The following PIK3C3 variants were observed in gnomAD, a reference collection of about 807,000 sequenced individuals.
PIK3C3 encodes phosphatidylinositol 3-kinase catalytic subunit type 3.
In PIK3C3, 95 loss-of-function variants were observed where a neutral mutation model predicts 126.1. The observed-to-expected ratio is 0.75, with a 90% confidence interval of 0.64 to 0.89. The LOEUF (loss-of-function observed/expected upper bound fraction) is 0.89, where lower values mean the gene tolerates loss of function less well. Ranked by LOEUF, PIK3C3 falls within the 40% of genes least tolerant of loss-of-function variation. The pLI is 0.00. For missense variants in PIK3C3, 829 were observed against 1,063.2 expected (o/e 0.78, Z 3.06); for synonymous variants, 374 against 360.0 (o/e 1.04, Z -0.44).
At chr18:42,065,549 A>C (rs1381293899) in intron 23 of PIK3C3, among the ~76,000 whole-genome samples, 2 of 152,214 alleles carry the variant, frequency 1.3e-5, no homozygotes, top group Non-Finnish European at 2.9e-5. Flanking sequence ...AAATTATTTA[A>C]TTTACTTCCA....
intron 2 of PIK3C3, among the ~76,000 whole-genome samples, chr18:41,961,626 A>G (rs1447018703): frequency 6.6e-6 from 1 of 152,222 alleles, no homozygotes; most frequent in Non-Finnish European, 1.5e-5. Context: ...CTTTGAATGA[A>G]CAGAATAATT....
intron 15 of PIK3C3, among the ~76,000 whole-genome samples, chr18:42,032,020 G>T (rs1019256940): frequency 1.3e-5 from 2 of 152,212 alleles, no homozygotes; most frequent in South Asian, 4.1e-4. Context: ...AATAAAACAG[G>T]AAGGGGGATT....
At chr18:42,047,243 T>G (rs1022350605) in intron 20 of PIK3C3, among the ~76,000 whole-genome samples, 2 of 152,186 alleles carry the variant, frequency 1.3e-5, no homozygotes, top group South Asian at 4.1e-4. Flanking sequence ...GCTGCACTGA[T>G]GTACAGTGAT....
At chr18:41,978,037 C>T (rs1244888673) in intron 4 of PIK3C3, among the ~76,000 whole-genome samples, 1 of 152,220 alleles carries the variant, frequency 6.6e-6, no homozygotes, top group African/African-American at 2.4e-5. Flanking sequence ...TCACAGCTCA[C>T]TGCAGCCTCA....
At chr18:42,036,176 TTG>T (rs1030863239) in intron 16 of PIK3C3, among the ~76,000 whole-genome samples, 2 of 152,204 alleles carry the variant, frequency 1.3e-5, no homozygotes, top group African/African-American at 4.8e-5. Flanking sequence ...CAACTAGAGT[TTG>T]TAAGTTTTAA....
At chr18:42,054,150 A>C (rs60424202) in intron 21 of PIK3C3, among the ~76,000 whole-genome samples, 7,023 of 22,242 alleles carry the variant, frequency 0.32, 253 homozygotes, top group South Asian at 0.42. Flanking sequence ...ATATATATAT[A>C]TATATATATA....
chr18:42,074,664 T>C lies in PIK3C3; in HGVS notation c.2650-6459T>C, dbSNP rs182621709. Reference sequence around the variant, plus strand: ...TATGTTAAATATAAGTACAGATCTTTTTATATGTGTGTTTTGTTTTTATAG... The same window carrying C: ...TATGTTAAATATAAGTACAGATCTTCTTATATGTGTGTTTTGTTTTTATAG... On this transcript the variant is annotated intron_variant, in intron 24 of 24. Transcript: ENST00000262039. 3.3e-5 allele frequency among the ~76,000 whole-genome samples: 5 copies of C among 152,288 alleles called. No homozygotes were observed. The East Asian group carries it at 7.7e-4, about 23-fold the overall frequency.
chr18:42,027,562 G>A lies in PIK3C3; in HGVS notation c.1590+14G>A. ...GCATTGTTGAAGGTAACCCTTAAAT[G>A]TGAGGGTTGGCAAACTGCAGCACAT... is the stretch of plus-strand genomic sequence containing the variant. On this transcript the variant is annotated intron_variant, in intron 14 of 24. Transcript: ENST00000262039. 4 of 1,522,632 alleles carry A rather than the reference G, an allele frequency of 2.6e-6. No individual in the cohort carries two copies. The highest frequency in any genetic ancestry group is 3.6e-6 in the Non-Finnish European group (4 of 1,099,664). 94.3% of individuals were successfully genotyped at this position (1,522,632 alleles called of 1,614,324 possible).
intron 24 of PIK3C3, among the ~76,000 whole-genome samples, chr18:42,075,149 A>C (rs985591662): frequency 1.3e-5 from 2 of 152,178 alleles, no homozygotes; most frequent in African/African-American, 2.4e-5. Context: ...TTGTGACCTA[A>C]AAAGAAGAGA....
At chr18:42,022,542 A>G (rs1455621237) in intron 13 of PIK3C3, among the ~76,000 whole-genome samples, 1 of 152,174 alleles carries the variant, frequency 6.6e-6, no homozygotes, top group African/African-American at 2.4e-5. Context: ...GTTTAGTTTA[A>G]GCCTTTATGG....
intron 24 of PIK3C3, 61 bp from the exon 25 acceptor site, chr18:42,081,059 ATTG>A (rs1336049263): frequency 1.0e-4 from 98 of 952,110 alleles, no homozygotes; most frequent in Non-Finnish European, 1.5e-4. Context: ...ACTATAGACT[ATTG>A]TTTATCTTTG....
rs535384232 is a variant in PIK3C3, at chr18:42,085,342, A to G, written c.*4205A>G. 5.9e-5 allele frequency: 9 copies of G among 152,296 alleles called. No homozygotes were observed. The South Asian group carries it at 1.9e-3, about 32-fold the overall frequency. The allele number at this position is 152,296 out of a possible 1,614,324, so 9.4% of individuals were successfully genotyped here. A position where few individuals can be genotyped will look rare whatever the true frequency, so the allele number is the denominator to read the frequency against. ...AAATATGTAGTTTCTAAAACTTCAT[A>G]TACTTTATATGGAATATGAACAACT... On this transcript the variant is annotated 3_prime_UTR_variant, in exon 25 of 25. Coordinates refer to ENST00000262039, the MANE Select transcript of PIK3C3 (RefSeq NM_002647.4).
chr18:42,049,041 G>T (rs968827850), intron 20 of PIK3C3, among the ~76,000 whole-genome samples: 1 of 152,140 alleles, frequency 6.6e-6, no homozygotes, highest in Non-Finnish European at 1.5e-5. Flanking sequence ...TGCTTTAGAA[G>T]ATTATTGTGT....
intron 3 of PIK3C3, among the ~76,000 whole-genome samples, chr18:41,965,176 T>C (rs1031405900): frequency 6.6e-6 from 1 of 152,242 alleles, no homozygotes. Flanking sequence ...CTAAATATTT[T>C]TGAGAAATAA....
intron 4 of PIK3C3, among the ~76,000 whole-genome samples, chr18:41,982,549 A>G (rs1295615114): frequency 6.6e-6 from 1 of 152,222 alleles, no homozygotes; most frequent in East Asian, 1.9e-4. Context: ...GGTTTTCCCA[A>G]CGGAGCTTTC....
chr18:42,072,076 A>G (rs1243659223), intron 24 of PIK3C3, among the ~76,000 whole-genome samples: 3 of 152,186 alleles, frequency 2.0e-5, no homozygotes, highest in African/African-American at 7.2e-5. Flanking sequence ...GTCTACATAT[A>G]TTGTCTAAGT....
Position 41,990,557 on chromosome 18 carries a change from AT to A in PIK3C3, c.714+6del. 6.7e-7 allele frequency: 1 copy of A among 1,497,962 alleles called. No homozygotes were observed. The highest frequency in any genetic ancestry group is 9.3e-7 in the Non-Finnish European group (1 of 1,076,478). The allele number at this position is 1,497,962 out of a possible 1,614,324, so 92.8% of individuals were successfully genotyped here. On this transcript the variant is annotated splice_donor_region_variant and intron_variant, in intron 6 of 24. Transcript: ENST00000262039. ...ATGGTATTGTTTATTATGAAAAGGT[AT>A]TTCCCTTGGAACTGTTTTTGGTCTC...
chr18:42,079,380 G>A (rs909417534), intron 24 of PIK3C3, among the ~76,000 whole-genome samples: 8 of 152,138 alleles, frequency 5.3e-5, no homozygotes, highest in Non-Finnish European at 5.9e-5. Flanking sequence ...GGTTCGTGGT[G>A]CCCCAAAACA....
intron 24 of PIK3C3, among the ~76,000 whole-genome samples, chr18:42,079,407 C>T (rs1459909010): frequency 1.3e-5 from 2 of 152,006 alleles, no homozygotes; most frequent in African/African-American, 2.4e-5. Context: ...ATAGTGATAA[C>T]GAAGATCGCT....
Sources: gnomAD v4.1 joint callset for allele counts (sites outside exome capture counted in the v4.1 genomes callset) on GRCh38, gnomAD v4.1.1 for gene constraint, MANE v1.5 for transcripts, NCBI Gene and HGNC (gene_info 2026-07-23, HGNC 2026-07-21) for gene names.